The following EPG5 variants were observed in gnomAD, a reference collection of about 807,000 sequenced individuals.
EPG5 encodes the protein ectopic P granules protein 5 homolog.
Under a neutral mutation model 302.7 loss-of-function variants are expected in EPG5, and 159 were observed. The observed-to-expected ratio is 0.53, with a 90% CI of 0.46 to 0.60. The LOEUF is 0.60. EPG5 is among the 20% of genes least tolerant of loss of function. The probability of loss-of-function intolerance (pLI) is 0.00; values close to 1 mark genes in which losing one functional copy is unlikely to be tolerated. For missense variants in EPG5, 2,896 were observed against 3,092.4 expected (o/e 0.94, Z 1.51); for synonymous variants, 1,158 against 1,136.8 (o/e 1.02, Z -0.37).
At chr18:45,943,089 TC>T (rs2050705726) in intron 9 of EPG5, 71 bp downstream of exon 9, 2 of 1,425,414 alleles carry the variant, frequency 1.4e-6, no homozygotes, top group Non-Finnish European at 1.9e-6. Context: ...ACGTCCATCA[TC>T]CCAATTATGC....
At position 45,865,764 on chromosome 18, in the gene EPG5, CCA is replaced by C; in HGVS notation, c.6622-7_6622-6del. On this transcript the variant is annotated splice_region_variant and splice_polypyrimidine_tract_variant and intron_variant, in intron 38 of 43. Coordinates refer to ENST00000282041, the MANE Select transcript of EPG5 (RefSeq NM_020964.3). ...TTGGCATTTTGGAACTGCATCCTGA[CCA>C]AAAAAAAAAAAAAAAATCATTCAAA... 33 of 1,425,570 alleles carry C rather than the reference CCA, an allele frequency of 2.3e-5. No individual in the cohort carries two copies. In the Admixed American group the frequency reaches 4.0e-4, roughly 17 times the overall value. The allele number at this position is 1,425,570 out of a possible 1,614,324, so 88.3% of individuals were successfully genotyped here.
intron 7 of EPG5, among the ~76,000 whole-genome samples, chr18:45,944,412 C>T (rs1195936665): frequency 6.6e-6 from 1 of 152,164 alleles, no homozygotes; most frequent in Non-Finnish European, 1.5e-5. Context: ...AAGAAATCCT[C>T]TAGAGTGAGG....
Position 45,947,835 on chromosome 18 carries a change from C to T in EPG5, c.1571+668G>A, listed in dbSNP as rs76208694. ...TCACGCAGGCTGGAGTGCAGTGACA[C>T]GATCTCAGCTCACTGCAACCTCCGC... is the stretch of plus-strand genomic sequence containing the variant. On this transcript the variant is annotated intron_variant, in intron 6 of 43. Transcript: ENST00000282041. 2.7e-3 allele frequency among the ~76,000 whole-genome samples: 418 copies of T among 152,164 alleles called. 3 individuals carry two copies. Among genetic ancestry groups the T allele is most frequent in the South Asian group, 0.018 (85 of 4,820 alleles).
chr18:45,820,378 G>T, the EPG5 span, among the ~76,000 whole-genome samples: 1 of 152,190 alleles, frequency 6.6e-6, no homozygotes, highest in African/African-American at 2.4e-5. Context: ...CCTCTAGGCA[G>T]AAACCTGATT....
chr18:45,838,975 C>A, the EPG5 span: 27 of 1,602,618 alleles, frequency 1.7e-5, no homozygotes, highest in Non-Finnish European at 2.3e-5. Context: ...CAGCGTCTAC[C>A]TGTTCCGCTT....
At chr18:45,839,376 C>T in the EPG5 span, among the ~76,000 whole-genome samples, 3 of 152,162 alleles carry the variant, frequency 2.0e-5, no homozygotes, top group Non-Finnish European at 4.4e-5. Context: ...ACTCTAGAGC[C>T]GTCCCTTTGC....
chr18:45,958,247 A>G, intron 1 of EPG5, among the ~76,000 whole-genome samples: 1 of 152,212 alleles, frequency 6.6e-6, no homozygotes. Context: ...AGATGACAAT[A>G]TTCCTCAAAT....
chr18:45,837,457 G>T, the EPG5 span: 1 of 1,422,618 alleles, frequency 7.0e-7, no homozygotes. Flanking sequence ...CAGGCCCCGG[G>T]TGCGGGCGCC....
Position 45,910,517 on chromosome 18 carries a change from T to A in EPG5, c.4205+4A>T, listed in dbSNP as rs1281050179. On this transcript the variant is annotated splice_donor_region_variant and intron_variant, in intron 23 of 43. Coordinates refer to ENST00000282041, the MANE Select transcript of EPG5 (RefSeq NM_020964.3). ...AATGTAGGTGGCTAAATAACCATAC[T>A]CACCTCACCAGCTCCTTGTGCAGTT... 1.3e-6 allele frequency: 2 copies of A among 1,594,804 alleles called. No homozygotes were observed. Among genetic ancestry groups the A allele is most frequent in the Admixed American group, 3.5e-5 (2 of 56,472 alleles).
chr18:45,828,901 G>C, the EPG5 span, among the ~76,000 whole-genome samples: 10 of 152,244 alleles, frequency 6.6e-5, no homozygotes, highest in African/African-American at 9.6e-5. Flanking sequence ...CAGGACCGGA[G>C]GACATGGGCT....
At position 45,967,165 on chromosome 18, in the gene EPG5, G is replaced by GAA; in HGVS notation, c.63+11_63+12insTT. ...ACTGCCAGAGCCTCGGGAGGGTGGG[G>GAA]GAGATCCTCACCTTTGTTTTAGTCC... On this transcript the variant is annotated intron_variant, in intron 1 of 43. Coordinates refer to ENST00000282041, the MANE Select transcript of EPG5 (RefSeq NM_020964.3). 6.3e-7 allele frequency: 1 copy of GAA among 1,592,904 alleles called. No individual in the cohort carries two copies. Among genetic ancestry groups the GAA allele is most frequent in the Non-Finnish European group, 8.5e-7 (1 of 1,169,630 alleles).
Position 45,930,327 on chromosome 18 carries a change from G to A in EPG5, c.2412+349C>T, listed in dbSNP as rs892187938. On this transcript the variant is annotated intron_variant, in intron 12 of 43. Transcript: ENST00000282041. Reference sequence around the variant, plus strand: ...CCACCATCTCATTTAAACTGGCTGGGAAGCTAGGTTTCTGCTACTAGCCAG... The same window carrying A: ...CCACCATCTCATTTAAACTGGCTGGAAAGCTAGGTTTCTGCTACTAGCCAG... Among the ~76,000 whole-genome samples, 15 of 152,274 alleles carry A rather than the reference G, an allele frequency of 9.9e-5. No individual in the cohort carries two copies. The East Asian group carries it at 2.5e-3, about 25-fold the overall frequency.
Position 45,901,149 on chromosome 18 carries a change from C to G in EPG5, c.4493G>C (p.Ser1498Thr). ...GGGAGCCTCATGCTTCCGCAAGTTACTTAAAACCCTTTCTTTAGCTGAAAG... is the reference window on the plus strand; with the variant it reads ...GGGAGCCTCATGCTTCCGCAAGTTAGTTAAAACCCTTTCTTTAGCTGAAAG... Reference protein sequence around the residue: ...DPLLAKERVLSNLRKHEAPQP... With the variant: ...DPLLAKERVLTNLRKHEAPQP... The change falls in exon 26 of 44, where the codon AGT (serine) becomes ACT (threonine). Residue 1498 changes from serine (S) to threonine (T), a missense_variant. Physicochemically the swap from Ser to Thr is moderately conservative, Grantham distance 58 (BLOSUM62 1). Transcript: ENST00000282041. 1 of 1,614,096 alleles carries G rather than the reference C, an allele frequency of 6.2e-7. No homozygotes were observed. The highest frequency in any genetic ancestry group is 8.5e-7 in the Non-Finnish European group (1 of 1,180,020).
intron 1 of EPG5, among the ~76,000 whole-genome samples, chr18:45,960,458 A>T (rs2051125270): frequency 6.6e-6 from 1 of 152,220 alleles, no homozygotes; most frequent in African/African-American, 2.4e-5. Context: ...CTTACAACTA[A>T]AAATGCCAGG....
At position 45,930,752 on chromosome 18, in the gene EPG5, A is replaced by C. The variant is rs996455960; in HGVS notation, c.2336T>G (p.Phe779Cys). 5 of 1,612,212 alleles carry C rather than the reference A, an allele frequency of 3.1e-6. No individual in the cohort carries two copies. The highest frequency in any genetic ancestry group is 1.7e-4 in the Middle Eastern group (1 of 6,058). ...TCTTCTGGCCTGAGCCATCTGAGCA[A>C]AGGTAGTCAGAAGGCAAATCTCTTC... ...SSEEICLLTT[F>C]AQMAQARRTN... is the part of the protein sequence containing the mutation. The change falls in exon 12 of 44, where the codon TTT becomes TGT. Residue 779 changes from phenylalanine (F) to cysteine (C), a missense_variant. Coordinates refer to ENST00000282041, the MANE Select transcript of EPG5 (RefSeq NM_020964.3).
In EPG5 at chr18:45,910,692, T is replaced by G; in HGVS notation, c.4034A>C (p.His1345Pro). Residue 1345 changes from histidine (H) to proline (P), a missense_variant, in exon 23 of 44, where the codon CAT becomes CCT. Physicochemically the swap from His to Pro is moderately conservative, Grantham distance 77. This residue lies in a region of EPG5 where 790 missense variants were observed against 798.0 expected (regional missense o/e 0.99). Coordinates refer to ENST00000282041, the MANE Select transcript of EPG5 (RefSeq NM_020964.3). ...CTTCATTTCTTTCAACAAATTGATA[T>G]GAGCAGGACTTTGAAAAAACCTTCT... The part of the protein sequence containing the change: ...IGRRFFQSPA[H>P]INLLKEMKRR... 1 of 1,614,172 alleles carries G rather than the reference T, an allele frequency of 6.2e-7. No individual in the cohort carries two copies. The highest frequency in any genetic ancestry group is 8.5e-7 in the Non-Finnish European group (1 of 1,180,036).
At chr18:45,948,132 ACT>A (rs1230314111) in intron 6 of EPG5, among the ~76,000 whole-genome samples, 1 of 151,832 alleles carries the variant, frequency 6.6e-6, no homozygotes, top group Admixed American at 6.6e-5. Context: ...ACTCCACTCA[ACT>A]CTTTATTCTC....
At chr18:45,838,487 A>G in the EPG5 span, 1 of 604,946 alleles carries the variant, frequency 1.7e-6, no homozygotes, top group African/African-American at 2.0e-5. Context: ...AAATCTTTTC[A>G]GCAACCTCTT....
the EPG5 span, chr18:45,825,668 G>T: frequency 6.3e-7 from 1 of 1,585,474 alleles, no homozygotes; most frequent in Admixed American, 1.7e-5. Flanking sequence ...CGCCTGGGAG[G>T]GCCCTCACTG....
Sources: allele counts gnomAD v4.1 joint callset (sites outside exome capture counted in the v4.1 genomes callset), GRCh38; gene constraint gnomAD v4.1.1; regional missense constraint gnomAD v4.1.1; transcripts MANE v1.5; gene names NCBI Gene and HGNC (gene_info 2026-07-23, HGNC 2026-07-21).